VAT1L: variants seen among roughly 807,000 people sequenced by gnomAD.
VAT1L encodes vesicle amine transport 1 like.
Under a neutral mutation model 44.1 loss-of-function variants are expected in VAT1L, and 34 were observed. The ratio of observed to expected loss-of-function variants is 0.77; its 90% CI spans 0.59 to 1.03. VAT1L has a LOEUF of 1.03. Among genes scored for constraint, VAT1L ranks in the 50% least tolerant of loss-of-function variants. The probability of loss-of-function intolerance (pLI) is 0.00; values close to 1 mark genes in which losing one functional copy is unlikely to be tolerated. For missense variants in VAT1L, 615 were observed against 538.8 expected, an observed-to-expected ratio of 1.14 and a Z score of -1.40; for synonymous variants, 253 against 202.2, an observed-to-expected ratio of 1.25 and a Z score of -2.13.
At chr16:77,919,791 T>TA (rs947058657) in intron 7 of VAT1L, among the ~76,000 whole-genome samples, 9 of 152,148 alleles carry the variant, frequency 5.9e-5, no homozygotes, top group Non-Finnish European at 1.3e-4. Context: ...CTCATTTATC[T>TA]AAAAAACAAA....
chr16:77,935,398 G>T (rs959160469), intron 7 of VAT1L, among the ~76,000 whole-genome samples: 1 of 151,352 alleles, frequency 6.6e-6, no homozygotes, highest in Non-Finnish European at 1.5e-5. Flanking sequence ...AATACGAGGT[G>T]AGCATCTTCT....
chr16:77,902,721 C>T (rs1013200648), intron 7 of VAT1L, among the ~76,000 whole-genome samples: 33 of 3,336 alleles, frequency 9.9e-3, no homozygotes, highest in Non-Finnish European at 0.02. Flanking sequence ...TTTGGGAGGC[C>T]GATGGGGGGG....
At chr16:77,881,361 A>G (rs2017153386) in intron 6 of VAT1L, among the ~76,000 whole-genome samples, 1 of 152,170 alleles carries the variant, frequency 6.6e-6, no homozygotes, top group Non-Finnish European at 1.5e-5. Context: ...TTTGGTTCTT[A>G]TATACTAATG....
chr16:77,964,596 G>T (rs1426285144), intron 7 of VAT1L, among the ~76,000 whole-genome samples: 1 of 151,998 alleles, frequency 6.6e-6, no homozygotes, highest in Non-Finnish European at 1.5e-5. Context: ...CTTCTACAAA[G>T]TCCCTTTGCC....
At chr16:77,834,894 T>A (rs1333656817) in intron 3 of VAT1L, among the ~76,000 whole-genome samples, 1 of 152,214 alleles carries the variant, frequency 6.6e-6, no homozygotes, top group Non-Finnish European at 1.5e-5. Context: ...GTCATCGGAA[T>A]AATAACAATG....
chr16:77,971,132 C>G (rs758293027), intron 7 of VAT1L, among the ~76,000 whole-genome samples: 4 of 152,128 alleles, frequency 2.6e-5, no homozygotes, highest in Admixed American at 6.5e-5. Context: ...ATTTAACTCT[C>G]ATGCCTCCCT....
At chr16:77,903,893 C>T (rs1031363176) in intron 7 of VAT1L, among the ~76,000 whole-genome samples, 8 of 151,800 alleles carry the variant, frequency 5.3e-5, no homozygotes, top group African/African-American at 1.5e-4. Context: ...TCCACCACCA[C>T]GCCCAGCTAA....
At chr16:77,853,223 T>A (rs2016824411) in intron 3 of VAT1L, among the ~76,000 whole-genome samples, 1 of 152,156 alleles carries the variant, frequency 6.6e-6, no homozygotes, top group Non-Finnish European at 1.5e-5. Flanking sequence ...GATGGGGGCT[T>A]ATTTTCTCTT....
chr16:77,952,042 T>C (rs2018050667), intron 7 of VAT1L, among the ~76,000 whole-genome samples: 1 of 152,178 alleles, frequency 6.6e-6, no homozygotes. Context: ...CTGTGTTTGC[T>C]AATTGGTGCT....
At chr16:77,861,809 C>T (rs1440534832) in intron 3 of VAT1L, among the ~76,000 whole-genome samples, 1 of 152,198 alleles carries the variant, frequency 6.6e-6, no homozygotes, top group Non-Finnish European at 1.5e-5. Flanking sequence ...CTCCGGCTTC[C>T]TTGCTCATGG....
intron 7 of VAT1L, among the ~76,000 whole-genome samples, chr16:77,966,042 A>C (rs958387315): frequency 5.3e-5 from 8 of 152,116 alleles, no homozygotes; most frequent in African/African-American, 1.4e-4. Context: ...AGTCCCCCCC[A>C]AAAAAGCGTA....
chr16:77,839,912 A>G (rs1213093470), intron 3 of VAT1L, among the ~76,000 whole-genome samples: 2 of 152,196 alleles, frequency 1.3e-5, no homozygotes, highest in Non-Finnish European at 2.9e-5. Flanking sequence ...GAATGAGTGT[A>G]TGGTCATTTA....
At chr16:77,950,960 G>C (rs1184013483) in intron 7 of VAT1L, among the ~76,000 whole-genome samples, 1 of 152,158 alleles carries the variant, frequency 6.6e-6, no homozygotes, top group Non-Finnish European at 1.5e-5. Context: ...TAAATTACTG[G>C]ATCTAGGCAT....
At chr16:77,811,336 C>G (rs188361641) in intron 1 of VAT1L, among the ~76,000 whole-genome samples, 25 of 152,164 alleles carry the variant, frequency 1.6e-4, no homozygotes, top group Non-Finnish European at 3.2e-4. Context: ...TAAACTATAG[C>G]TGGGCTGATT....
At chr16:77,958,243 G>C (rs2018124823) in intron 7 of VAT1L, among the ~76,000 whole-genome samples, 1 of 152,072 alleles carries the variant, frequency 6.6e-6, no homozygotes, top group Admixed American at 6.6e-5. Context: ...GTTTGGCTGA[G>C]TGACCAACTT....
chr16:77,855,614 A>G (rs1426080863), intron 3 of VAT1L, among the ~76,000 whole-genome samples: 1 of 152,172 alleles, frequency 6.6e-6, no homozygotes, highest in Non-Finnish European at 1.5e-5. Context: ...TTAATGGTTT[A>G]TTTATTTTAT....
Position 77,862,902 on chromosome 16 carries a change from G to C in VAT1L, c.722+12G>C. On this transcript the variant is annotated intron_variant, in intron 4 of 8. Coordinates refer to ENST00000302536, the MANE Select transcript of VAT1L (RefSeq NM_020927.3). ...CAAGAAGTTAAAAGGTAAGATGTTT[G>C]CTTTTGAAAAAGCACCAGGCTGGCC... is the stretch of plus-strand genomic sequence containing the variant. 1 of 1,612,880 alleles carries C rather than the reference G, an allele frequency of 6.2e-7. No homozygotes were observed. The highest frequency in any genetic ancestry group is 8.5e-7 in the Non-Finnish European group (1 of 1,179,518).
At chr16:77,963,952 G>A (rs1006866588) in intron 7 of VAT1L, among the ~76,000 whole-genome samples, 5 of 152,268 alleles carry the variant, frequency 3.3e-5, no homozygotes, top group Non-Finnish European at 5.9e-5. Context: ...AGGGCCTTCC[G>A]TGGTGCAAAT....
In VAT1L at chr16:77,809,460, T is replaced by A. The variant is rs1261965834; in HGVS notation, c.234-7461T>A. ...AGAAAGAGTCCATTCTTTTTTGATC[T>A]TTTTTTTTTCCATGGGAACAGCTGA... On this transcript the variant is annotated intron_variant, in intron 1 of 8. Coordinates refer to ENST00000302536, the MANE Select transcript of VAT1L (RefSeq NM_020927.3). Among the ~76,000 whole-genome samples, 74 of 11,870 alleles carry A rather than the reference T, an allele frequency of 6.2e-3. No individual in the cohort carries two copies. The East Asian group carries it at 0.41, about 66-fold the overall frequency. 7.8% of individuals were successfully genotyped at this position (11,870 alleles called of 152,430 possible).
Sources: gnomAD v4.1 joint callset for allele counts (sites outside exome capture counted in the v4.1 genomes callset) on GRCh38, gnomAD v4.1.1 for gene constraint, MANE v1.5 for transcripts, NCBI Gene and HGNC (gene_info 2026-07-23, HGNC 2026-07-21) for gene names.